The following SCN3A variants were observed in gnomAD, a reference collection of about 807,000 sequenced individuals.
The protein encoded by SCN3A is sodium voltage-gated channel alpha subunit 3.
A neutral mutation model predicts 187.6 loss-of-function variants in SCN3A; 60 were observed. The observed-to-expected ratio is 0.32, with a 90% CI of 0.26 to 0.40. The LOEUF (loss-of-function observed/expected upper bound fraction) is 0.40, where lower values mean the gene tolerates loss of function less well. Ranked by LOEUF, SCN3A falls within the 10% of genes least tolerant of loss-of-function variation. The probability of loss-of-function intolerance (pLI) is 1.00; values close to 1 mark genes in which losing one functional copy is unlikely to be tolerated. For missense variants in SCN3A, 1,601 were observed against 2,428.2 expected (o/e 0.66, Z 7.16); for synonymous variants, 788 against 829.2 (o/e 0.95, Z 0.85).
At chr2:165,119,284 C>T (rs1686535138) in intron 18 of SCN3A, among the ~76,000 whole-genome samples, 1 of 152,070 alleles carries the variant, frequency 6.6e-6, no homozygotes, top group South Asian at 2.1e-4. Flanking sequence ...AGGAAAGTAC[C>T]TATGTTTTAA....
chr2:165,095,700 C>T (rs752958304), intron 24 of SCN3A, 52 bp from the exon 25 acceptor site: 11 of 1,032,132 alleles, frequency 1.1e-5, no homozygotes, highest in Middle Eastern at 2.4e-4. Flanking sequence ...TAAATACTTA[C>T]ACTAAATCAG....
At chr2:165,176,498 A>G (rs1487173498) in intron 2 of SCN3A, 54 bp from the exon 3 acceptor site, 1 of 1,398,286 alleles carries the variant, frequency 7.2e-7, no homozygotes, top group Non-Finnish European at 1.0e-6. Context: ...ATTGGGCATA[A>G]GAACATCAAC....
chr2:165,164,004 T>C, intron 6 of SCN3A: 1 of 982,966 alleles, frequency 1.0e-6, no homozygotes, highest in Non-Finnish European at 1.6e-6. Context: ...ATGGAATTGC[T>C]ATAGACCTCA....
intron 2 of SCN3A, among the ~76,000 whole-genome samples, chr2:165,183,493 G>A (rs1691018674): frequency 6.6e-6 from 1 of 152,202 alleles, no homozygotes; most frequent in Non-Finnish European, 1.5e-5. Context: ...AGTACTTGAA[G>A]CCAGCCAATA....
At chr2:165,091,945 A>G in intron 27 of SCN3A, 1 of 424,760 alleles carries the variant, frequency 2.4e-6, no homozygotes, top group Non-Finnish European at 4.4e-6. Flanking sequence ...CATTACAATG[A>G]TTTGTTTTTT....
intron 17 of SCN3A, among the ~76,000 whole-genome samples, chr2:165,129,551 T>C (rs1687191430): frequency 6.6e-6 from 1 of 152,228 alleles, no homozygotes; most frequent in African/African-American, 2.4e-5. Context: ...AATTTGATTA[T>C]AGAATAGATA....
At chr2:165,120,053 A>T (rs1686576232) in intron 18 of SCN3A, among the ~76,000 whole-genome samples, 1 of 152,102 alleles carries the variant, frequency 6.6e-6, no homozygotes, top group South Asian at 2.1e-4. Context: ...GGGTCTACAG[A>T]GGGATGATGG....
intron 5 of SCN3A, among the ~76,000 whole-genome samples, chr2:165,168,394 A>G (rs1689906062): frequency 6.6e-6 from 1 of 152,088 alleles, no homozygotes; most frequent in African/African-American, 2.4e-5. Flanking sequence ...CTGGAATAAA[A>G]TAATTTAATT....
intron 16 of SCN3A, 128 bp downstream of exon 16, chr2:165,131,116 G>A (rs939257905): frequency 3.3e-5 from 16 of 486,990 alleles, no homozygotes; most frequent in African/African-American, 3.3e-4. Context: ...ATGTTTACAT[G>A]TTTTCTTAGA....
rs529114287 is a variant in SCN3A, at chr2:165,152,467, A to G, written c.1380+1985T>C. ...AGCAATAGAAATCATTCAAATTGCA[A>G]TTGACAAATGGAGTTTAAAACTCAT... On this transcript the variant is annotated intron_variant, in intron 11 of 27. Coordinates refer to ENST00000283254, the MANE Select transcript of SCN3A (RefSeq NM_006922.4). 3.9e-5 allele frequency among the ~76,000 whole-genome samples: 6 copies of G among 152,352 alleles called. No individual in the cohort carries two copies. The South Asian group carries it at 1.2e-3, about 32-fold the overall frequency.
At chr2:165,115,407 G>T in intron 19 of SCN3A, 48 bp downstream of exon 19, 1 of 1,610,606 alleles carries the variant, frequency 6.2e-7, no homozygotes, top group Non-Finnish European at 8.5e-7. Context: ...TTCAGTCTCC[G>T]TAAAGAACAA....
chr2:165,143,013 A>G (rs1559225744), intron 12 of SCN3A, among the ~76,000 whole-genome samples: 1 of 152,050 alleles, frequency 6.6e-6, no homozygotes, highest in Non-Finnish European at 1.5e-5. Context: ...TGGCCTCCCA[A>G]AGCCCTGAGA....
Position 165,147,696 on chromosome 2 carries a change from T to A in SCN3A, c.1381-667A>T, listed in dbSNP as rs1247986360. ...ATTATTTAATATTATAAATAACAAA[T>A]GATTAACATAGCATTACATAAATTC... On this transcript the variant is annotated intron_variant, in intron 11 of 27. Coordinates refer to ENST00000283254, the MANE Select transcript of SCN3A (RefSeq NM_006922.4). 2.0e-5 allele frequency among the ~76,000 whole-genome samples: 3 copies of A among 147,810 alleles called. No homozygotes were observed. In the East Asian group the frequency reaches 6.1e-4, roughly 30 times the overall value.
At chr2:165,098,839 A>G (rs1033345054) in intron 22 of SCN3A, among the ~76,000 whole-genome samples, 1 of 152,202 alleles carries the variant, frequency 6.6e-6, no homozygotes, top group Non-Finnish European at 1.5e-5. Flanking sequence ...GAGAAAATTT[A>G]TAAGTTTTAA....
At chr2:165,141,232 A>G (rs1000142936) in intron 12 of SCN3A, among the ~76,000 whole-genome samples, 1 of 152,224 alleles carries the variant, frequency 6.6e-6, no homozygotes, top group Non-Finnish European at 1.5e-5. Flanking sequence ...TTTACTAAGT[A>G]TACAACCACT....
At chr2:165,188,212 C>T (rs1435939766) in intron 1 of SCN3A, among the ~76,000 whole-genome samples, 1 of 151,942 alleles carries the variant, frequency 6.6e-6, no homozygotes, top group Non-Finnish European at 1.5e-5. Context: ...TTTTTCCTAC[C>T]CTTATGAAAA....
At chr2:165,155,640 C>T in intron 10 of SCN3A, 122 bp downstream of exon 10, 2 of 1,039,370 alleles carry the variant, frequency 1.9e-6, no homozygotes, top group Non-Finnish European at 2.9e-6. Context: ...CTCAAGTGAT[C>T]CATCCGCCTC....
chr2:165,159,295 T>C lies in SCN3A; in HGVS notation c.1031+3013A>G, dbSNP rs1205907530. 2.2e-5 allele frequency among the ~76,000 whole-genome samples: 3 copies of C among 137,966 alleles called. 1 individual carries two copies. The highest frequency in any genetic ancestry group is 4.5e-5 in the Non-Finnish European group (3 of 66,696). The allele number at this position is 137,966 out of a possible 152,430, so 90.5% of individuals were successfully genotyped here. A position where few individuals can be genotyped will look rare whatever the true frequency, so the allele number is the denominator to read the frequency against. ...TGCCAGTTTTAAATTGGGTCATTTG[T>C]TTTCTTATTGTTGAGTTTTAAGAGT... On this transcript the variant is annotated intron_variant, in intron 9 of 27. Coordinates refer to ENST00000283254, the MANE Select transcript of SCN3A (RefSeq NM_006922.4).
At position 165,096,537 on chromosome 2, in the gene SCN3A, TTTGAA is replaced by T. The variant is rs1685372922; in HGVS notation, c.4240-22_4240-18del. ...AAATGTGGCCTGTAAATAACATATATTTGAATTGTTCATAAAAATTTCACCTAACA... is the reference window on the plus strand; with the variant it reads ...AAATGTGGCCTGTAAATAACATATATTTGTTCATAAAAATTTCACCTAACA... On this transcript the variant is annotated intron_variant, in intron 23 of 27. Transcript: ENST00000283254. 6.3e-7 allele frequency: 1 copy of T among 1,593,970 alleles called. No homozygotes were observed. Among genetic ancestry groups the T allele is most frequent in the African/African-American group, 1.3e-5 (1 of 74,628 alleles).
Sources: gnomAD v4.1 joint callset for allele counts (sites outside exome capture counted in the v4.1 genomes callset) on GRCh38, gnomAD v4.1.1 for gene constraint, MANE v1.5 for transcripts, NCBI Gene and HGNC (gene_info 2026-07-23, HGNC 2026-07-21) for gene names.